Variants in CARD14 observed in about 807,000 individuals in gnomAD.
CARD14 encodes the protein caspase recruitment domain-containing protein 14.
A neutral mutation model predicts 111.5 loss-of-function variants in CARD14; 107 were observed. The observed-to-expected ratio is 0.96, with a 90% CI of 0.82 to 1.13. The LOEUF (loss-of-function observed/expected upper bound fraction) is 1.13. Among genes scored for constraint, CARD14 ranks in the 50% most tolerant of loss-of-function variants. The probability of loss-of-function intolerance (pLI) is 0.00; values close to 1 mark genes in which losing one functional copy is unlikely to be tolerated. For synonymous variants in CARD14, 617 were observed against 579.6 expected (o/e 1.06, Z -0.93); for missense variants, 1,322 against 1,362.3 (o/e 0.97, Z 0.47).
intron 12 of CARD14, among the ~76,000 whole-genome samples, chr17:80,194,014 A>C (rs2040621310): frequency 1.3e-5 from 2 of 152,090 alleles, no homozygotes. Context: ...CTGACCGATC[A>C]GCTGCCCTCC....
At position 80,181,475 on chromosome 17, in the gene CARD14, G is replaced by A. The variant is rs1223290631; in HGVS notation, c.37G>A (p.Ala13Thr). The change falls in exon 5 of 24, where the codon GCA (alanine) becomes ACA (threonine). Residue 13 changes from alanine to threonine, a missense_variant. Ala to Thr is a moderately conservative substitution (Grantham distance 58). Transcript: ENST00000648509. The stretch of plus-strand genomic sequence containing the variant: ...GTGCCGCAGGGACTCCGCACTCACG[G>A]CACTGGACGAGGAGACACTGTGGGA... ...ELCRRDSALT[A>T]LDEETLWEMM... is the part of the protein sequence containing the mutation. The A allele has an allele frequency of 6.3e-7, 1 of 1,587,516 alleles. No homozygotes were observed. The highest frequency in any genetic ancestry group is 1.8e-5 in the Admixed American group (1 of 56,706).
In CARD14 at chr17:80,195,991, GC is replaced by G; in HGVS notation, c.1594+340del. ...TCCCAGTGGTTTCAGAAGGCAGCAG[GC>G]AGGGTGGCTTAGTGGTGCCAGGCTG... On this transcript the variant is annotated intron_variant, in intron 14 of 23. Coordinates refer to ENST00000648509, the MANE Select transcript of CARD14 (RefSeq NM_001366385.1). This position sits in a 1 kb window ranked among gnomAD's most constrained non-coding sequence, Gnocchi z 4.7. The G allele has an allele frequency of 4.2e-6, 1 of 236,312 alleles. No homozygotes were observed. Among genetic ancestry groups the G allele is most frequent in the Non-Finnish European group, 8.3e-6 (1 of 121,102 alleles). 14.6% of individuals were successfully genotyped at this position (236,312 alleles called of 1,614,324 possible).
chr17:80,185,992 C>T (rs1442526015), intron 7 of CARD14, among the ~76,000 whole-genome samples: 1 of 152,278 alleles, frequency 6.6e-6, no homozygotes, highest in African/African-American at 2.4e-5. Context: ...GCCAATTGCT[C>T]TACTGCAGAA....
In CARD14 at chr17:80,184,372, C is replaced by T. The variant is rs888078816; in HGVS notation, c.675+134C>T. Reference sequence around the variant, plus strand: ...CACTTCCCTGCCCCGAGAGCCTTGGCTGAGACCCCTCTGGGAAGCTGATCC... The same window carrying T: ...CACTTCCCTGCCCCGAGAGCCTTGGTTGAGACCCCTCTGGGAAGCTGATCC... On this transcript the variant is annotated intron_variant, in intron 7 of 23. Transcript: ENST00000648509. The T allele has an allele frequency of 5.0e-6, 4 of 801,058 alleles. No individual in the cohort carries two copies. The Admixed American group carries it at 1.4e-4, about 29-fold the overall frequency. 49.6% of individuals were successfully genotyped at this position (801,058 alleles called of 1,614,324 possible). A position where few individuals can be genotyped will look rare whatever the true frequency, so the allele number is the denominator to read the frequency against.
At position 80,185,714 on chromosome 17, in the gene CARD14, C is replaced by T. The variant is rs76043956; in HGVS notation, c.675+1476C>T. ...TGTGTTCTGCTGTTCCTCTCTTTAGCCACCTTCATTTGGGAACAGCCCACA... is the reference window on the plus strand; with the variant it reads ...TGTGTTCTGCTGTTCCTCTCTTTAGTCACCTTCATTTGGGAACAGCCCACA... On this transcript the variant is annotated intron_variant, in intron 7 of 23. Coordinates refer to ENST00000648509, the MANE Select transcript of CARD14 (RefSeq NM_001366385.1). Among the ~76,000 whole-genome samples, 535 of 152,322 alleles carry T rather than the reference C, an allele frequency of 3.5e-3. 2 individuals are homozygous for T. Among genetic ancestry groups the T allele is most frequent in the African/African-American group, 0.012 (518 of 41,562 alleles).
At chr17:80,205,807 ACTC>A (rs1409376317) in intron 22 of CARD14, 155 bp downstream of exon 22, 11 of 673,724 alleles carry the variant, frequency 1.6e-5, no homozygotes, top group Admixed American at 3.3e-5. Flanking sequence ...GGAGCCCAAA[ACTC>A]ATCTCAGCCA....
At chr17:80,190,223 G>A (rs184434620) in intron 9 of CARD14, among the ~76,000 whole-genome samples, 1 of 152,106 alleles carries the variant, frequency 6.6e-6, no homozygotes, top group African/African-American at 2.4e-5. Flanking sequence ...CATTAAAAAC[G>A]CAAAACACAA....
intron 11 of CARD14, 111 bp downstream of exon 11, chr17:80,191,583 TC>T: frequency 7.1e-7 from 1 of 1,407,146 alleles, no homozygotes; most frequent in Non-Finnish European, 9.7e-7. Flanking sequence ...ACAGGCAGGG[TC>T]CCAGGCTGGG....
rs1229706636 is a variant in CARD14, at chr17:80,198,042, G to A, written c.1595-57G>A. ...GGGGCTGAGGTTACAGGAGGTTACA[G>A]GACGCCCCATCAGCAGTGGGGTGAC... On this transcript the variant is annotated intron_variant, in intron 14 of 23. Coordinates refer to ENST00000648509, the MANE Select transcript of CARD14 (RefSeq NM_001366385.1). This position sits in a 1 kb window ranked among gnomAD's most constrained non-coding sequence, Gnocchi z 7.5. The A allele has an allele frequency of 6.4e-7, 1 of 1,568,916 alleles. No individual in the cohort carries two copies. The highest frequency in any genetic ancestry group is 1.1e-5 in the South Asian group (1 of 89,886).
intron 7 of CARD14, among the ~76,000 whole-genome samples, chr17:80,185,215 TAA>T (rs56901731): frequency 0.31 from 46,405 of 151,130 alleles, 7,600 homozygotes; most frequent in Middle Eastern, 0.4. Flanking sequence ...CCCAGCTAAT[TAA>T]AAAAAAATTT....
intron 18 of CARD14, 168 bp downstream of exon 18, chr17:80,202,588 T>C: frequency 7.0e-7 from 1 of 1,433,806 alleles, no homozygotes; most frequent in East Asian, 2.5e-5. Flanking sequence ...TGTTTCTTTG[T>C]GATGGATGCT....
rs779389994 is a variant in CARD14 at position 80,181,392 on chromosome 17, C to A, written c.-20-27C>A. Reference sequence around the variant, plus strand: ...TCCTGGGGTCCTGCTTACCTGACAACTCCACCCCCATGGCCACCCCTCCTA... The same window carrying A: ...TCCTGGGGTCCTGCTTACCTGACAAATCCACCCCCATGGCCACCCCTCCTA... On this transcript the variant is annotated intron_variant, in intron 4 of 23. Coordinates refer to ENST00000648509, the MANE Select transcript of CARD14 (RefSeq NM_001366385.1). 8.5e-6 allele frequency: 13 copies of A among 1,527,850 alleles called. No homozygotes were observed. The Admixed American group carries it at 9.9e-5, about 12-fold the overall frequency. The allele number at this position is 1,527,850 out of a possible 1,614,324, so 94.6% of individuals were successfully genotyped here.
At chr17:80,178,163 C>A (rs2040070104) in intron 2 of CARD14, among the ~76,000 whole-genome samples, 1 of 152,172 alleles carries the variant, frequency 6.6e-6, no homozygotes, top group Admixed American at 6.5e-5. Context: ...GTTCTTCCTT[C>A]CGGGCAAGGA....
At chr17:80,199,481 G>C (rs2040853666) in intron 16 of CARD14, among the ~76,000 whole-genome samples, 1 of 146,300 alleles carries the variant, frequency 6.8e-6, no homozygotes, top group South Asian at 2.2e-4. Context: ...TCAGATGCCT[G>C]AGCCCAGGAG....
intron 16 of CARD14, among the ~76,000 whole-genome samples, chr17:80,199,561 CAAA>C (rs34737700): frequency 4.4e-5 from 3 of 68,778 alleles, no homozygotes; most frequent in South Asian, 1.2e-3. Context: ...AGCCTTGTCT[CAAA>C]AAAAAAAAAA....
intron 19 of CARD14, 54 bp from the exon 20 acceptor site, chr17:80,204,173 T>G: frequency 6.6e-7 from 1 of 1,507,274 alleles, no homozygotes; most frequent in Admixed American, 2.0e-5. Context: ...GAATTCCCAT[T>G]CCTGTTGATG....
chr17:80,183,860 C>A, intron 6 of CARD14, 53 bp from the exon 7 acceptor site: 1 of 1,412,800 alleles, frequency 7.1e-7, no homozygotes, highest in Non-Finnish European at 9.3e-7. Context: ...ACCCACCTGC[C>A]CACCTATTAC....
chr17:80,205,547 G>C lies in CARD14; in HGVS notation c.2586G>C (p.Glu862Asp). Residue 862 changes from glutamate to aspartate, a missense_variant, in exon 22 of 24, where the codon GAG becomes GAC. By Grantham distance (45) the Glu-to-Asp change is conservative (BLOSUM62 2). Transcript: ENST00000648509. ...CACCTGTAGAGTACTTGAGCCAGGA[G>C]GAGTATGAGGCCTGGAGCCAGAGAG... ...KKCLAEYLSQ[E>D]EYEAWSQRGD... 2 of 1,585,858 alleles carry C rather than the reference G, an allele frequency of 1.3e-6. No individual in the cohort carries two copies. Among genetic ancestry groups the C allele is most frequent in the Non-Finnish European group, 8.6e-7 (1 of 1,165,444 alleles).
chr17:80,195,820 C>A lies in CARD14; in HGVS notation c.1594+168C>A. 1 of 615,064 alleles carries A rather than the reference C, an allele frequency of 1.6e-6. No homozygotes were observed. Among genetic ancestry groups the A allele is most frequent in the Admixed American group, 3.1e-5 (1 of 32,506 alleles). 38.1% of individuals were successfully genotyped at this position (615,064 alleles called of 1,614,324 possible). On this transcript the variant is annotated intron_variant, in intron 14 of 23. Transcript: ENST00000648509. The surrounding 1 kb of genome is among the most constrained non-coding windows in gnomAD (Gnocchi z 4.7). ...CCTCGACCTTGCACTTTGGGAAAGT[C>A]CCGCCTGCCAGCCAGCGTAAGCCAA...
Sources: gnomAD v4.1 joint callset for allele counts (sites outside exome capture counted in the v4.1 genomes callset) on GRCh38, gnomAD v4.1.1 for gene constraint, Gnocchi (gnomAD v3.1) non-coding constraint, MANE v1.5 for transcripts, NCBI Gene and HGNC (gene_info 2026-07-23, HGNC 2026-07-21) for gene names.